Variants in DNM1 observed in about 807,000 individuals in gnomAD.
DNM1 encodes the protein dynamin 1, also known as dynamin-1.
In DNM1, 29 loss-of-function variants were observed where a neutral mutation model predicts 104.6. That is an observed-to-expected ratio of 0.28 (90% CI 0.21 to 0.38). The LOEUF is 0.38. DNM1 is among the 10% of genes least tolerant of loss of function. The pLI is 1.00. For missense variants in DNM1, 640 were observed against 1,189.4 expected (o/e 0.54, Z 6.79); for synonymous variants, 445 against 475.8 (o/e 0.94, Z 0.84).
At chr9:128,244,698 C>A (rs1482427938) in intron 15 of DNM1, 1 of 526,238 alleles carries the variant, frequency 1.9e-6, no homozygotes, top group Non-Finnish European at 3.9e-6. Flanking sequence ...AGGGGTCGGT[C>A]CAGCTCTCCA....
chr9:128,226,107 C>G, intron 10 of DNM1: 2 of 1,612,832 alleles, frequency 1.2e-6, no homozygotes, highest in Non-Finnish European at 1.7e-6. Context: ...TCAAAGAGCC[C>G]AGTATCAAGT....
chr9:128,242,931 C>T (rs1474251941), intron 15 of DNM1, among the ~76,000 whole-genome samples: 2 of 152,084 alleles, frequency 1.3e-5, no homozygotes, highest in Admixed American at 6.5e-5. Context: ...ACTTGGGTGC[C>T]CCTCCCTGAC....
At chr9:128,212,480 A>C (rs1377636489) in intron 1 of DNM1, among the ~76,000 whole-genome samples, 1 of 152,164 alleles carries the variant, frequency 6.6e-6, no homozygotes, top group Non-Finnish European at 1.5e-5. Context: ...GCTGGAAGGA[A>C]GGAAGGAAGG....
intron 10 of DNM1, among the ~76,000 whole-genome samples, chr9:128,229,069 G>A (rs1269840299): frequency 6.6e-6 from 1 of 152,004 alleles, no homozygotes; most frequent in Non-Finnish European, 1.5e-5. Context: ...AGTAAACTGT[G>A]ATAAATCTAT....
At position 128,253,550 on chromosome 9, in the gene DNM1, G is replaced by A. The variant is rs1263034791; in HGVS notation, c.2535-1104G>A. 6.9e-5 allele frequency: 16 copies of A among 232,600 alleles called. No homozygotes were observed. The highest frequency in any genetic ancestry group is 2.1e-4 in the Admixed American group (4 of 19,124). The allele number at this position is 232,600 out of a possible 1,614,324, so 14.4% of individuals were successfully genotyped here. A position where few individuals can be genotyped will look rare whatever the true frequency, so the allele number is the denominator to read the frequency against. The stretch of plus-strand genomic sequence containing the variant: ...GAACGTTATCCTGGGCACACCGTGC[G>A]TGGTGTGCAGTCTGAGTCATGCTCC... On this transcript the variant is annotated intron_variant, in intron 21 of 21. Transcript: ENST00000372923. The surrounding 1 kb of genome is among the most constrained non-coding windows in gnomAD (Gnocchi z 5.9).
intron 10 of DNM1, among the ~76,000 whole-genome samples, chr9:128,227,009 CTTTTTTTT>C (rs369464140): frequency 9.8e-6 from 1 of 101,776 alleles, no homozygotes; most frequent in African/African-American, 4.3e-5. Flanking sequence ...ATCTCCATTC[CTTTTTTTT>C]TTTTTTTTTT....
At chr9:128,234,312 C>T (rs1373848627) in intron 11 of DNM1, among the ~76,000 whole-genome samples, 1 of 152,256 alleles carries the variant, frequency 6.6e-6, no homozygotes, top group Non-Finnish European at 1.5e-5. Flanking sequence ...TGTTTAAGCG[C>T]ACAGTTCAGT....
rs1834752060 is a variant in DNM1 at position 128,218,552 on chromosome 9, C to T, written c.236-30C>T. 2 of 1,594,896 alleles carry T rather than the reference C, an allele frequency of 1.3e-6. No individual in the cohort carries two copies. Among genetic ancestry groups the T allele is most frequent in the African/African-American group, 2.7e-5 (2 of 74,484 alleles). Reference sequence around the variant, plus strand: ...GTGGGGTTCCAGACCTTGATGCCTACTGCCCTTCCCCTGCCCGCTTCTGGA... The same window carrying T: ...GTGGGGTTCCAGACCTTGATGCCTATTGCCCTTCCCCTGCCCGCTTCTGGA... On this transcript the variant is annotated intron_variant, in intron 2 of 21. Transcript: ENST00000372923. The surrounding 1 kb of genome is among the most constrained non-coding windows in gnomAD (Gnocchi z 4.8).
At position 128,220,709 on chromosome 9, in the gene DNM1, G is replaced by A. The variant is rs576353585; in HGVS notation, c.849+368G>A. On this transcript the variant is annotated intron_variant, in intron 6 of 21. Transcript: ENST00000372923. The surrounding 1 kb of genome is among the most constrained non-coding windows in gnomAD (Gnocchi z 5.2). ...CCCAGGACTTTTCTCCATCTGGAAT[G>A]GGGCATCCAGAACTGAAGTGCGCGC... Among the ~76,000 whole-genome samples, 5 of 145,352 alleles carry A rather than the reference G, an allele frequency of 3.4e-5. No homozygotes were observed. In the South Asian group the frequency reaches 1.2e-3, roughly 35 times the overall value.
At chr9:128,206,859 T>G (rs1834000781) in intron 1 of DNM1, among the ~76,000 whole-genome samples, 1 of 150,486 alleles carries the variant, frequency 6.6e-6, no homozygotes, top group African/African-American at 2.5e-5. Context: ...AGTAGTGGAG[T>G]GATGAGCTAA....
chr9:128,218,789 T>A lies in DNM1; in HGVS notation c.385+58T>A. 2 of 1,518,930 alleles carry A rather than the reference T, an allele frequency of 1.3e-6. No homozygotes were observed. The highest frequency in any genetic ancestry group is 2.0e-5 in the Admixed American group (1 of 50,118). 94.1% of individuals were successfully genotyped at this position (1,518,930 alleles called of 1,614,324 possible). ...AATCATTTTCTTGGCCACGCACCTC[T>A]GCGTGCCTCGCTCCTCCTGCAGACT... On this transcript the variant is annotated intron_variant, in intron 3 of 21. Coordinates refer to ENST00000372923, the MANE Select transcript of DNM1 (RefSeq NM_004408.4). This position sits in a 1 kb window ranked among gnomAD's most constrained non-coding sequence, Gnocchi z 4.8.
In DNM1 at chr9:128,224,074, A is replaced by C; in HGVS notation, c.1197-177A>C. On this transcript the variant is annotated intron_variant, in intron 9 of 21. Transcript: ENST00000372923. The surrounding 1 kb of genome is among the most constrained non-coding windows in gnomAD (Gnocchi z 4.3). Reference sequence around the variant, plus strand: ...AAAAAAAATAACAACAACAACAAAAAACCCTTCATTAGAACCCCTCCCTCC... The same window carrying C: ...AAAAAAAATAACAACAACAACAAAACACCCTTCATTAGAACCCCTCCCTCC... 1 of 729,286 alleles carries C rather than the reference A, an allele frequency of 1.4e-6. No homozygotes were observed. Among genetic ancestry groups the C allele is most frequent in the Non-Finnish European group, 2.1e-6 (1 of 480,180 alleles). The allele number at this position is 729,286 out of a possible 1,614,324, so 45.2% of individuals were successfully genotyped here.
intron 10 of DNM1, 27 bp from the exon 11 acceptor site, chr9:128,233,994 G>A: frequency 1.3e-6 from 2 of 1,551,270 alleles, no homozygotes; most frequent in Non-Finnish European, 8.7e-7. Flanking sequence ...TGTGTACGTG[G>A]CTTTCTGCCC....
At chr9:128,239,396 A>G (rs778267945) in intron 11 of DNM1, 49 bp from the exon 12 acceptor site, 3 of 1,473,822 alleles carry the variant, frequency 2.0e-6, no homozygotes, top group Non-Finnish European at 2.8e-6. Context: ...GCATTTTAAA[A>G]CTTTGTGGTG....
rs2131227049 is a variant in DNM1 at position 128,234,060 on chromosome 9, A to G, written c.1375A>G (p.Ile459Val). ...YPRLREEMER[I>V]VTTHIREREG... Reference sequence around the variant, plus strand: ...GCGGCTACGGGAGGAGATGGAGCGCATCGTGACCACCCACATCCGGGAGCG... The same window carrying G: ...GCGGCTACGGGAGGAGATGGAGCGCGTCGTGACCACCCACATCCGGGAGCG... The change falls in exon 11 of 22, where the codon ATC becomes GTC. Residue 459 changes from isoleucine (I) to valine (V), a missense_variant. Around this residue, in one of 7 missense-constraint regions of DNM1, gnomAD observed 92 missense variants for 124.4 expected, o/e 0.74. Transcript: ENST00000372923. 2 of 1,579,628 alleles carry G rather than the reference A, an allele frequency of 1.3e-6. No individual in the cohort carries two copies. The highest frequency in any genetic ancestry group is 2.7e-5 in the African/African-American group (2 of 74,066).
At position 128,250,929 on chromosome 9, in the gene DNM1, C is replaced by A; in HGVS notation, c.2523C>A (p.Pro841=). The change falls in exon 21 of 22, where the codon CCC becomes CCA. Residue 841 remains proline (P), a synonymous_variant. Coordinates refer to ENST00000372923, the MANE Select transcript of DNM1 (RefSeq NM_004408.4). ...QVPSRPNRAP[P]GVPSRSGQAS... Reference sequence around the variant, plus strand: ...CCTCGCGCCCCAACCGCGCCCCGCCCGGGGTCCCCAGGTGAGTAGGGGCTG... The same window carrying A: ...CCTCGCGCCCCAACCGCGCCCCGCCAGGGGTCCCCAGGTGAGTAGGGGCTG... 1 of 1,375,810 alleles carries A rather than the reference C, an allele frequency of 7.3e-7. No homozygotes were observed. Among genetic ancestry groups the A allele is most frequent in the Non-Finnish European group, 9.4e-7 (1 of 1,062,898 alleles). 85.2% of individuals were successfully genotyped at this position (1,375,810 alleles called of 1,614,324 possible). A position where few individuals can be genotyped will look rare whatever the true frequency, so the allele number is the denominator to read the frequency against.
In DNM1 at chr9:128,254,783, A is replaced by G. The variant is rs1488775892; in HGVS notation, c.*69A>G. 6 of 1,357,878 alleles carry G rather than the reference A, an allele frequency of 4.4e-6. No homozygotes were observed. The highest frequency in any genetic ancestry group is 1.2e-5 in the South Asian group (1 of 85,790). 84.1% of individuals were successfully genotyped at this position (1,357,878 alleles called of 1,614,324 possible). A position where few individuals can be genotyped will look rare whatever the true frequency, so the allele number is the denominator to read the frequency against. The stretch of plus-strand genomic sequence containing the variant: ...CTGGACGGCTGTTCTGTGACTTGAC[A>G]GTGGCTCCCCCAGCCCCAAAGCCAG... On this transcript the variant is annotated 3_prime_UTR_variant, in exon 22 of 22. Transcript: ENST00000372923. This position sits in a 1 kb window ranked among gnomAD's most constrained non-coding sequence, Gnocchi z 6.1.
intron 11 of DNM1, among the ~76,000 whole-genome samples, chr9:128,237,795 A>G (rs1836106080): frequency 6.6e-6 from 1 of 151,810 alleles, no homozygotes; most frequent in Admixed American, 6.6e-5. Flanking sequence ...TTGTTTTGAG[A>G]TAGGGTCTCG....
Position 128,243,920 on chromosome 9 carries a change from G to A in DNM1, c.1671+1575G>A, listed in dbSNP as rs1298759172. 6.6e-6 allele frequency among the ~76,000 whole-genome samples: 1 copy of A among 151,666 alleles called. No individual in the cohort carries two copies. The highest frequency in any genetic ancestry group is 2.4e-5 in the African/African-American group (1 of 41,138). On this transcript the variant is annotated intron_variant, in intron 15 of 21. Transcript: ENST00000372923. This position sits in a 1 kb window ranked among gnomAD's most constrained non-coding sequence, Gnocchi z 4.0. ...GATGGGAGTCAGCTGTGGGCTGTGG[G>A]TGCTGGGAGGCGGGGTGTGTTTGTG... is the stretch of plus-strand genomic sequence containing the variant.
Sources: gnomAD v4.1 joint callset for allele counts (sites outside exome capture counted in the v4.1 genomes callset) on GRCh38, gnomAD v4.1.1 for gene constraint, gnomAD v4.1.1 regional missense constraint, Gnocchi (gnomAD v3.1) non-coding constraint, MANE v1.5 for transcripts, NCBI Gene and HGNC (gene_info 2026-07-23, HGNC 2026-07-21) for gene names.